The following NRXN1 variants were observed in gnomAD, a reference collection of about 807,000 sequenced individuals.
NRXN1 encodes neurexin 1.
NRXN1 carries 39 observed loss-of-function variants against 150.9 expected under a neutral mutation model. The observed-to-expected ratio is 0.26, with a 90% CI of 0.20 to 0.34. The LOEUF (loss-of-function observed/expected upper bound fraction) is 0.34. Ranked by LOEUF, NRXN1 falls within the 10% of genes least tolerant of loss-of-function variation. The pLI is 1.00. For synonymous variants in NRXN1, 924 were observed against 757.0 expected (o/e 1.22, Z -3.62); for missense variants, 1,815 against 1,949.9 (o/e 0.93, Z 1.30).
chr2:50,098,865 T>G (rs867115147), intron 18 of NRXN1, among the ~76,000 whole-genome samples: 40,264 of 86,326 alleles, frequency 0.47, 9,115 homozygotes, highest in Non-Finnish European at 0.51. Context: ...TTTTTTTTTT[T>G]TTTTTTTTTT....
At chr2:49,925,166 G>T (rs1276986499) in intron 22 of NRXN1, among the ~76,000 whole-genome samples, 1 of 151,698 alleles carries the variant, frequency 6.6e-6, no homozygotes, top group African/African-American at 2.4e-5. Flanking sequence ...TGTAGTCCCA[G>T]TTACTTGGGG....
At chr2:50,877,196 TAC>T (rs952024946) in intron 5 of NRXN1, among the ~76,000 whole-genome samples, 155 of 151,156 alleles carry the variant, frequency 1.0e-3, no homozygotes, top group African/African-American at 3.7e-3. Context: ...CACACACATA[TAC>T]ACACACACAC....
At chr2:50,425,103 A>G (rs116941796) in intron 17 of NRXN1, among the ~76,000 whole-genome samples, 2 of 152,326 alleles carry the variant, frequency 1.3e-5, no homozygotes, top group East Asian at 3.9e-4. Context: ...CCAGAAAAAT[A>G]AAAAATACCA....
At chr2:50,918,425 G>A (rs1160442744) in intron 5 of NRXN1, 1 of 321,242 alleles carries the variant, frequency 3.1e-6, no homozygotes, top group East Asian at 4.1e-5. Flanking sequence ...GGAAAAGTTA[G>A]CATTAAGTAT....
At chr2:50,807,653 A>C (rs1667681053) in intron 5 of NRXN1, among the ~76,000 whole-genome samples, 1 of 151,872 alleles carries the variant, frequency 6.6e-6, no homozygotes, top group Admixed American at 6.6e-5. Context: ...AAGGTTCTGA[A>C]CTCCTTTCCT....
At chr2:50,564,672 T>C (rs1186424592) in intron 8 of NRXN1, among the ~76,000 whole-genome samples, 1 of 152,178 alleles carries the variant, frequency 6.6e-6, no homozygotes. Flanking sequence ...TTTCTAGGTT[T>C]GCTAAAATAT....
chr2:50,881,601 A>G (rs1193328886), intron 5 of NRXN1, among the ~76,000 whole-genome samples: 2 of 151,904 alleles, frequency 1.3e-5, no homozygotes, highest in African/African-American at 4.8e-5. Context: ...ACCCACAAGG[A>G]CTTCTGAATT....
chr2:50,157,550 C>G (rs1314451785), intron 18 of NRXN1, among the ~76,000 whole-genome samples: 4 of 151,940 alleles, frequency 2.6e-5, no homozygotes, highest in African/African-American at 9.7e-5. Context: ...CACTCAGAGG[C>G]AGATGCTGAA....
At chr2:50,002,417 C>T (rs1259673050) in intron 21 of NRXN1, among the ~76,000 whole-genome samples, 1 of 152,108 alleles carries the variant, frequency 6.6e-6, no homozygotes, top group Non-Finnish European at 1.5e-5. Context: ...AAAGATCTTA[C>T]TCTAGTCAAG....
chr2:50,304,340 G>T (rs2074422208), intron 17 of NRXN1, among the ~76,000 whole-genome samples: 1 of 152,138 alleles, frequency 6.6e-6, no homozygotes, highest in Non-Finnish European at 1.5e-5. Context: ...GGCTGAAAGG[G>T]TTGAAGATTT....
chr2:50,434,505 G>A (rs6756219), intron 17 of NRXN1, among the ~76,000 whole-genome samples: 41,528 of 152,002 alleles, frequency 0.27, 5,856 homozygotes, highest in East Asian at 0.39. Flanking sequence ...TTTCCTGAAA[G>A]AAGGACAATG....
chr2:50,260,594 C>T (rs2068155829), intron 17 of NRXN1, among the ~76,000 whole-genome samples: 3 of 147,792 alleles, frequency 2.0e-5, no homozygotes, highest in South Asian at 2.1e-4. Flanking sequence ...AAGCAAACAC[C>T]GATGACAAAA....
Position 51,028,330 on chromosome 2 carries a change from T to A in NRXN1, c.-57A>T. On this transcript the variant is annotated 5_prime_UTR_variant, in exon 2 of 23. Coordinates refer to ENST00000401669, the MANE Select transcript of NRXN1 (RefSeq NM_001330078.2). ...GGGGCCGACAGGGTCAAAATGGTCC[T>A]GGACACCGTGACGAAGAAATAAGGG... 1 of 1,212,888 alleles carries A rather than the reference T, an allele frequency of 8.2e-7. No individual in the cohort carries two copies. Among genetic ancestry groups the A allele is most frequent in the Non-Finnish European group, 1.1e-6 (1 of 911,828 alleles). 75.1% of individuals were successfully genotyped at this position (1,212,888 alleles called of 1,614,324 possible).
chr2:49,942,936 C>G (rs1051853893), intron 22 of NRXN1, among the ~76,000 whole-genome samples: 1 of 152,134 alleles, frequency 6.6e-6, no homozygotes, highest in Non-Finnish European at 1.5e-5. Context: ...TTAAATACTG[C>G]TTTACCAAAA....
chr2:50,728,527 G>A (rs1027576221), intron 5 of NRXN1, among the ~76,000 whole-genome samples: 1 of 152,056 alleles, frequency 6.6e-6, no homozygotes, highest in African/African-American at 2.4e-5. Context: ...TTGAAATAAT[G>A]TTTTGACATT....
At chr2:50,495,363 TGTGTGTGTGTGTGTGTG>T (rs1318973303) in intron 15 of NRXN1, among the ~76,000 whole-genome samples, 601 of 8,010 alleles carry the variant, frequency 0.075, 30 homozygotes, top group Non-Finnish European at 0.12. Context: ...TGTGTGTGTG[TGTGTGTGTGTGTGTGTG>T]GTGTGTGTGT....
intron 21 of NRXN1, among the ~76,000 whole-genome samples, chr2:50,014,410 G>C (rs1686229462): frequency 6.6e-6 from 1 of 152,006 alleles, no homozygotes; most frequent in Non-Finnish European, 1.5e-5. Context: ...TTGACATTTA[G>C]GATTAGGCAA....
chr2:50,402,699 A>C (rs138675005), intron 17 of NRXN1, among the ~76,000 whole-genome samples: 4 of 152,264 alleles, frequency 2.6e-5, no homozygotes, highest in Non-Finnish European at 4.4e-5. Context: ...CATCATTGGC[A>C]GTGGGACGAA....
intron 21 of NRXN1, among the ~76,000 whole-genome samples, chr2:50,032,540 T>C (rs1689333959): frequency 6.6e-6 from 1 of 152,044 alleles, no homozygotes; most frequent in African/African-American, 2.4e-5. Context: ...AAGATTGCAA[T>C]TTGAGAGCTA....
Sources: gnomAD v4.1 joint callset for allele counts (sites outside exome capture counted in the v4.1 genomes callset) on GRCh38, gnomAD v4.1.1 for gene constraint, MANE v1.5 for transcripts, NCBI Gene and HGNC (gene_info 2026-07-23, HGNC 2026-07-21) for gene names.